The following NUP210L variants were observed in gnomAD, a reference collection of about 807,000 sequenced individuals.
NUP210L encodes nuclear pore membrane glycoprotein 210-like.
In NUP210L, 74 loss-of-function variants were observed where a neutral mutation model predicts 208.5. The observed-to-expected ratio is 0.35, with a 90% confidence interval of 0.29 to 0.43. The LOEUF (loss-of-function observed/expected upper bound fraction) is 0.43. Ranked by LOEUF, NUP210L falls within the 20% of genes least tolerant of loss-of-function variation. NUP210L has a pLI of 1.00. For synonymous variants in NUP210L, 780 were observed against 816.9 expected, an observed-to-expected ratio of 0.95 and a Z score of 0.77; for missense variants, 1,843 against 2,289.4, an observed-to-expected ratio of 0.81 and a Z score of 3.98.
At chr1:154,154,715 C>T (rs1009169259) in intron 1 of NUP210L, 127 bp downstream of exon 1, 28 of 728,730 alleles carry the variant, frequency 3.8e-5, no homozygotes, top group Admixed American at 7.3e-5. Flanking sequence ...ACACTCTCCT[C>T]CCCTACCGGC....
At chr1:154,116,632 C>T (rs192087778) in intron 12 of NUP210L, among the ~76,000 whole-genome samples, 12 of 151,674 alleles carry the variant, frequency 7.9e-5, no homozygotes, top group Admixed American at 7.3e-4. Flanking sequence ...GAGGCCAAGG[C>T]GGGAGAACTG....
At chr1:154,002,006 A>G in intron 35 of NUP210L, 21 bp from the exon 36 acceptor site, 5 of 1,610,790 alleles carry the variant, frequency 3.1e-6, no homozygotes, top group Non-Finnish European at 4.2e-6. Flanking sequence ...AAGAGGAAAA[A>G]CTGAGCAGGA....
intron 27 of NUP210L, among the ~76,000 whole-genome samples, chr1:154,045,729 C>T (rs1476097760): frequency 6.6e-6 from 1 of 152,132 alleles, no homozygotes; most frequent in Non-Finnish European, 1.5e-5. Context: ...CGCCTGTAAT[C>T]CCAGCACTTC....
At chr1:153,995,011 CA>C (rs376157395) in intron 38 of NUP210L, 64 bp downstream of exon 38, 129,425 of 708,646 alleles carry the variant, frequency 0.18, 83 homozygotes, top group Middle Eastern at 0.21. Flanking sequence ...AACTCCATCT[CA>C]AAAAAAAAAA....
At chr1:154,065,626 C>T (rs529740031) in intron 17 of NUP210L, among the ~76,000 whole-genome samples, 12 of 152,134 alleles carry the variant, frequency 7.9e-5, no homozygotes, top group African/African-American at 2.6e-4. Context: ...GGTGTGGCAG[C>T]TCATGCCTGT....
chr1:154,100,945 G>A (rs1656439222), intron 13 of NUP210L, among the ~76,000 whole-genome samples: 1 of 151,986 alleles, frequency 6.6e-6, no homozygotes, highest in Admixed American at 6.6e-5. Context: ...GGCCGAGGCG[G>A]GTGGATCACC....
chr1:153,994,543 C>T (rs954207032), intron 38 of NUP210L, among the ~76,000 whole-genome samples: 1 of 151,502 alleles, frequency 6.6e-6, no homozygotes, highest in African/African-American at 2.4e-5. Context: ...AACTCCTGAA[C>T]TTAGGTGACC....
At chr1:154,048,632 A>G (rs1653315166) in intron 25 of NUP210L, among the ~76,000 whole-genome samples, 1 of 152,112 alleles carries the variant, frequency 6.6e-6, no homozygotes, top group South Asian at 2.1e-4. Context: ...ACCCCTGTAC[A>G]ATGTCTGTCC....
chr1:154,023,242 T>C (rs1651667055), exon 31 of NUP210L: 1 of 1,613,942 alleles, frequency 6.2e-7, no homozygotes, highest in South Asian at 1.1e-5. Flanking sequence ...GGTCCTTCCT[T>C]GGGCTGTGTA....
intron 25 of NUP210L, among the ~76,000 whole-genome samples, chr1:154,051,420 T>C (rs1293309224): frequency 6.6e-6 from 1 of 152,146 alleles, no homozygotes; most frequent in African/African-American, 2.4e-5. Context: ...TTCACTGTGT[T>C]AGCCATGATG....
At chr1:154,012,316 G>C in exon 34 of NUP210L, 1 of 1,613,506 alleles carries the variant, frequency 6.2e-7, no homozygotes, top group Non-Finnish European at 8.5e-7. Context: ...GTATTGGTGA[G>C]ATAAGTCTTG....
In NUP210L at chr1:154,034,176, C is replaced by T. The variant is rs182954832; in HGVS notation, c.3697-4122G>A. Among the ~76,000 whole-genome samples the T allele has an allele frequency of 5.9e-5, 9 of 152,176 alleles. No homozygotes were observed. In the East Asian group the frequency reaches 1.7e-3, roughly 29 times the overall value. On this transcript the variant is annotated intron_variant, in intron 27 of 39. Coordinates refer to ENST00000368559, the Ensembl canonical transcript of NUP210L. ...ATAGGTCTTTGCCTGTTTTTGTTATCAGGGTAATACTGGCCTCATAGAATG... is the reference window on the plus strand; with the variant it reads ...ATAGGTCTTTGCCTGTTTTTGTTATTAGGGTAATACTGGCCTCATAGAATG...
intron 8 of NUP210L, 139 bp downstream of exon 8, chr1:154,129,137 TA>T (rs1658122897): frequency 1.8e-6 from 1 of 569,144 alleles, no homozygotes; most frequent in African/African-American, 1.9e-5. Context: ...AACAATTTGA[TA>T]AAACATGTCA....
At chr1:154,041,155 G>C (rs1652852241) in intron 27 of NUP210L, among the ~76,000 whole-genome samples, 1 of 151,388 alleles carries the variant, frequency 6.6e-6, no homozygotes. Context: ...TTAACAGATG[G>C]GGTCTCATTA....
At chr1:154,064,060 T>G (rs907943680) in intron 17 of NUP210L, among the ~76,000 whole-genome samples, 5 of 151,066 alleles carry the variant, frequency 3.3e-5, no homozygotes, top group Admixed American at 1.3e-4. Flanking sequence ...TAAATAATAT[T>G]TTATTATTTT....
intron 23 of NUP210L, among the ~76,000 whole-genome samples, chr1:154,056,175 A>G (rs143993619): frequency 1.6e-4 from 24 of 152,304 alleles, no homozygotes; most frequent in African/African-American, 5.8e-4. Flanking sequence ...TTTAAGAGAC[A>G]GGGTATCATT....
intron 12 of NUP210L, among the ~76,000 whole-genome samples, chr1:154,112,056 T>C (rs1214830091): frequency 1.3e-5 from 2 of 151,340 alleles, no homozygotes; most frequent in Non-Finnish European, 2.9e-5. Flanking sequence ...ACCTCCCGAG[T>C]AGCTGGGACT....
exon 9 of NUP210L, chr1:154,127,397 T>C (rs1333086868): frequency 6.3e-7 from 1 of 1,596,334 alleles, no homozygotes; most frequent in Admixed American, 1.7e-5. Context: ...CTCCATCGGT[T>C]TCCAGGTTGG....
At chr1:154,147,156 A>G (rs1286587827) in intron 2 of NUP210L, among the ~76,000 whole-genome samples, 1 of 152,132 alleles carries the variant, frequency 6.6e-6, no homozygotes, top group African/African-American at 2.4e-5. Flanking sequence ...AGATACCACC[A>G]CCTTAACCAA....
Sources: allele counts gnomAD v4.1 joint callset (sites outside exome capture counted in the v4.1 genomes callset), GRCh38; gene constraint gnomAD v4.1.1; transcripts MANE v1.5; gene names NCBI Gene and HGNC (gene_info 2026-07-23, HGNC 2026-07-21).